The following HCRTR2 variants were observed in gnomAD, a reference collection of about 807,000 sequenced individuals.
The protein encoded by HCRTR2 is hypocretin receptor 2.
A neutral mutation model predicts 49.0 loss-of-function variants in HCRTR2; 22 were observed. The ratio of observed to expected loss-of-function variants is 0.45; its 90% confidence interval spans 0.32 to 0.64. HCRTR2 has a LOEUF of 0.64. Among genes scored for constraint, HCRTR2 ranks in the 30% least tolerant of loss-of-function variants. The pLI, the probability that HCRTR2 is intolerant of heterozygous loss-of-function variation, is 0.04. For missense variants in HCRTR2, 491 were observed against 559.4 expected, an observed-to-expected ratio of 0.88 and a Z score of 1.23; for synonymous variants, 236 against 205.3, an observed-to-expected ratio of 1.15 and a Z score of -1.28.
chr6:55,138,327 A>T (rs1764459357), intron 1 of HCRTR2, among the ~76,000 whole-genome samples: 1 of 152,178 alleles, frequency 6.6e-6, no homozygotes, highest in Non-Finnish European at 1.5e-5. Flanking sequence ...AGCAAGTAAG[A>T]TAAACTTCTT....
intron 1 of HCRTR2, among the ~76,000 whole-genome samples, chr6:55,189,443 T>C: frequency 6.6e-6 from 1 of 152,184 alleles, no homozygotes; most frequent in East Asian, 1.9e-4. Context: ...ACTCATCAAA[T>C]GTGAGAAATT....
chr6:55,125,942 C>G (rs555716995), intron 1 of HCRTR2, among the ~76,000 whole-genome samples: 3 of 152,004 alleles, frequency 2.0e-5, no homozygotes. Context: ...ACGAAGTTCT[C>G]GTGCTATGTT....
At chr6:55,267,390 TTCTC>T (rs530253954) in intron 4 of HCRTR2, among the ~76,000 whole-genome samples, 18 of 148,942 alleles carry the variant, frequency 1.2e-4, no homozygotes, top group African/African-American at 3.0e-4. Context: ...ACTACTTAAA[TTCTC>T]TCTCTCTCTG....
intron 1 of HCRTR2, among the ~76,000 whole-genome samples, chr6:55,157,119 T>C (rs1477805710): frequency 1.3e-5 from 2 of 152,054 alleles, no homozygotes; most frequent in Non-Finnish European, 2.9e-5. Flanking sequence ...CATGGAGAAC[T>C]CCTAGAGATT....
At chr6:55,261,833 T>C (rs1766762787) in intron 3 of HCRTR2, among the ~76,000 whole-genome samples, 1 of 152,118 alleles carries the variant, frequency 6.6e-6, no homozygotes, top group Non-Finnish European at 1.5e-5. Context: ...CACATGCATG[T>C]TTACAGCAGC....
chr6:55,281,689 T>A (rs1285991308), intron 6 of HCRTR2, among the ~76,000 whole-genome samples: 2 of 152,210 alleles, frequency 1.3e-5, no homozygotes, highest in Non-Finnish European at 2.9e-5. Flanking sequence ...TACAGTATTT[T>A]TCCCCCTTCA....
At chr6:55,176,492 C>T (rs1398430129) in intron 1 of HCRTR2, among the ~76,000 whole-genome samples, 1 of 152,132 alleles carries the variant, frequency 6.6e-6, no homozygotes, top group African/African-American at 2.4e-5. Context: ...CAACATTTTA[C>T]TGCATTATGC....
At chr6:55,219,449 T>C (rs1377173359) in intron 1 of HCRTR2, among the ~76,000 whole-genome samples, 2 of 152,112 alleles carry the variant, frequency 1.3e-5, no homozygotes, top group African/African-American at 4.8e-5. Flanking sequence ...GAACAGTCCA[T>C]GGGTCAAAGA....
chr6:55,147,512 C>A (rs183613621), intron 1 of HCRTR2, among the ~76,000 whole-genome samples: 1 of 152,192 alleles, frequency 6.6e-6, no homozygotes, highest in African/African-American at 2.4e-5. Flanking sequence ...TTACTATCCT[C>A]ATTTAAGGGT....
rs184720886 is a variant in HCRTR2, at chr6:55,136,462, T to C, written c.-378+29917T>C. 1.4e-4 allele frequency among the ~76,000 whole-genome samples: 21 copies of C among 152,306 alleles called. No homozygotes were observed. In the East Asian group the frequency reaches 1.5e-3, roughly 11 times the overall value. On this transcript the variant is annotated intron_variant, in intron 1 of 7. Transcript: ENST00000615358. ...ACACTGGGAAAAGAAATTCCTTCAA[T>C]TGGGAAATCACAATTACAAAAGAAT...
chr6:55,125,640 C>T (rs1161489646), intron 1 of HCRTR2, among the ~76,000 whole-genome samples: 1 of 152,044 alleles, frequency 6.6e-6, no homozygotes, highest in African/African-American at 2.4e-5. Flanking sequence ...TCTGTATTTC[C>T]TAAATTTGAA....
At chr6:55,253,198 A>G (rs1766586719) in intron 2 of HCRTR2, among the ~76,000 whole-genome samples, 1 of 151,056 alleles carries the variant, frequency 6.6e-6, no homozygotes, top group African/African-American at 2.4e-5. Flanking sequence ...CATTTAGCAC[A>G]CACACACACA....
At chr6:55,110,521 G>A (rs1043990343) in intron 1 of HCRTR2, among the ~76,000 whole-genome samples, 1 of 151,928 alleles carries the variant, frequency 6.6e-6, no homozygotes, top group African/African-American at 2.4e-5. Context: ...TTAAGGTAAA[G>A]GAGTAGAAAA....
At chr6:55,120,043 C>T (rs1764174205) in intron 1 of HCRTR2, among the ~76,000 whole-genome samples, 1 of 152,070 alleles carries the variant, frequency 6.6e-6, no homozygotes, top group Admixed American at 6.6e-5. Context: ...CTCCCCATTG[C>T]TTGTTTGTGT....
intron 3 of HCRTR2, among the ~76,000 whole-genome samples, chr6:55,256,786 G>C (rs1277342640): frequency 6.6e-6 from 1 of 152,006 alleles, no homozygotes; most frequent in African/African-American, 2.4e-5. Flanking sequence ...ACACCACCTT[G>C]AGAACTTAGT....
chr6:55,144,099 C>CTTT lies in HCRTR2; in HGVS notation c.-377-30082_-377-30080dup, dbSNP rs530138605. On this transcript the variant is annotated intron_variant, in intron 1 of 7. Transcript: ENST00000615358. ...GTGACGCCATTCTTTCCCGTCCTGCCTTTTTTTTTTTTTTTTTTTTTTTTT... is the reference window on the plus strand; with the variant it reads ...GTGACGCCATTCTTTCCCGTCCTGCCTTTTTTTTTTTTTTTTTTTTTTTTTTTT... Among the ~76,000 whole-genome samples the CTTT allele has an allele frequency of 5.4e-3, 459 of 85,340 alleles. 36 individuals are homozygous for CTTT. Among genetic ancestry groups the CTTT allele is most frequent in the African/African-American group, 9.3e-3 (152 of 16,392 alleles). 56.0% of individuals were successfully genotyped at this position (85,340 alleles called of 152,430 possible).
At chr6:55,212,580 G>T (rs577047009) in intron 1 of HCRTR2, among the ~76,000 whole-genome samples, 1 of 152,122 alleles carries the variant, frequency 6.6e-6, no homozygotes, top group Non-Finnish European at 1.5e-5. Context: ...TCTTCCTGGC[G>T]TGGAAGTAGT....
At position 55,282,212 on chromosome 6, in the gene HCRTR2, C is replaced by T; in HGVS notation, c.1106-13C>T. 2 of 1,585,860 alleles carry T rather than the reference C, an allele frequency of 1.3e-6. No homozygotes were observed. Among genetic ancestry groups the T allele is most frequent in the Non-Finnish European group, 1.7e-6 (2 of 1,155,208 alleles). The stretch of plus-strand genomic sequence containing the variant: ...GTATAATTCCTTTTCCTTTCATTCT[C>T]TCTGTTTGCCAGGAAAATTTCGAGA... On this transcript the variant is annotated splice_polypyrimidine_tract_variant and intron_variant, in intron 6 of 6. Transcript: ENST00000370862.
chr6:55,142,332 G>T (rs2127253426), intron 1 of HCRTR2, among the ~76,000 whole-genome samples: 1 of 151,140 alleles, frequency 6.6e-6, no homozygotes, highest in South Asian at 2.1e-4. Context: ...GAGTAGCTGG[G>T]ACTACAGGCA....
Sources: allele counts gnomAD v4.1 joint callset (sites outside exome capture counted in the v4.1 genomes callset), GRCh38; gene constraint gnomAD v4.1.1; transcripts MANE v1.5; gene names NCBI Gene and HGNC (gene_info 2026-07-23, HGNC 2026-07-21).